Variants in CDH17 observed in about 807,000 individuals in gnomAD.
CDH17 encodes cadherin-17.
Under a neutral mutation model 86.3 loss-of-function variants are expected in CDH17, and 67 were observed. That is an observed-to-expected ratio of 0.78 (90% CI 0.64 to 0.95). The LOEUF (loss-of-function observed/expected upper bound fraction) is 0.95. Among genes scored for constraint, CDH17 ranks in the 40% least tolerant of loss-of-function variants. CDH17 has a pLI of 0.00. For synonymous variants in CDH17, 367 were observed against 366.4 expected, an observed-to-expected ratio of 1.00 and a Z score of -0.02; for missense variants, 993 against 1,017.6, an observed-to-expected ratio of 0.98 and a Z score of 0.33.
intron 3 of CDH17, among the ~76,000 whole-genome samples, chr8:94,186,721 T>G (rs1334199765): frequency 1.3e-5 from 2 of 152,230 alleles, no homozygotes; most frequent in African/African-American, 4.8e-5. Flanking sequence ...CTAAAATCCT[T>G]TTAACGTCTA....
At chr8:94,211,648 GA>G (rs1814123217), upstream of CDH17, among the ~76,000 whole-genome samples, 1 of 152,172 alleles carries the variant, frequency 6.6e-6, no homozygotes, top group Non-Finnish European at 1.5e-5. Context: ...TGAAATCTAT[GA>G]GTGGTAAATT....
chr8:94,180,524 A>G (rs1411441429), intron 3 of CDH17, among the ~76,000 whole-genome samples: 1 of 152,194 alleles, frequency 6.6e-6, no homozygotes, highest in Non-Finnish European at 1.5e-5. Flanking sequence ...GCATAGACTC[A>G]TCACATGTAA....
intron 1 of CDH17, among the ~76,000 whole-genome samples, chr8:94,213,758 G>A (rs763877012): frequency 1.3e-5 from 2 of 152,258 alleles, no homozygotes; most frequent in Non-Finnish European, 1.5e-5. Context: ...TCAGATGGAC[G>A]CTTTTCAGTC....
At chr8:94,157,356 A>T (rs1199528935) in intron 12 of CDH17, among the ~76,000 whole-genome samples, 2 of 152,218 alleles carry the variant, frequency 1.3e-5, no homozygotes, top group African/African-American at 4.8e-5. Context: ...TTCAATAACA[A>T]ATAGTATGGC....
chr8:94,204,725 T>G (rs1274562760), intron 1 of CDH17, among the ~76,000 whole-genome samples: 2 of 152,148 alleles, frequency 1.3e-5, no homozygotes, highest in Non-Finnish European at 2.9e-5. Flanking sequence ...CCAAGAAATA[T>G]TTGAGAGAGG....
In CDH17 at chr8:94,128,395, C is replaced by T. The variant is rs1472584514; in HGVS notation, c.2399-55G>A. Reference sequence around the variant, plus strand: ...TGGGACCTTTTAAAATGTACTGTCACATTCAGTTATAAAGTAGTATTGTGG... The same window carrying T: ...TGGGACCTTTTAAAATGTACTGTCATATTCAGTTATAAAGTAGTATTGTGG... On this transcript the variant is annotated intron_variant, in intron 17 of 17. Coordinates refer to ENST00000027335, the MANE Select transcript of CDH17 (RefSeq NM_004063.4). 4 of 1,081,356 alleles carry T rather than the reference C, an allele frequency of 3.7e-6. No homozygotes were observed. In the East Asian group the frequency reaches 9.5e-5, roughly 26 times the overall value. The allele number at this position is 1,081,356 out of a possible 1,614,324, so 67.0% of individuals were successfully genotyped here. A position where few individuals can be genotyped will look rare whatever the true frequency, so the allele number is the denominator to read the frequency against.
At chr8:94,199,901 G>A (rs7833170) in intron 1 of CDH17, among the ~76,000 whole-genome samples, 11,286 of 152,136 alleles carry the variant, frequency 0.074, 1,384 homozygotes, top group African/African-American at 0.25. Flanking sequence ...GAGATTCAGC[G>A]AGTTAATATT....
At chr8:94,199,083 A>ATATATT (rs1283889347) in intron 1 of CDH17, among the ~76,000 whole-genome samples, 10 of 23,208 alleles carry the variant, frequency 4.3e-4, no homozygotes, top group East Asian at 2.4e-3. Flanking sequence ...ATATATATAT[A>ATATATT]TTTTTTTTTT....
At chr8:94,179,495 A>G (rs184614584) in intron 3 of CDH17, among the ~76,000 whole-genome samples, 2 of 152,200 alleles carry the variant, frequency 1.3e-5, no homozygotes, top group Admixed American at 1.3e-4. Context: ...CTACAAGGCC[A>G]CTATCATGAG....
chr8:94,213,148 A>C (rs1053057783), upstream of CDH17, among the ~76,000 whole-genome samples: 3 of 152,114 alleles, frequency 2.0e-5, no homozygotes, highest in Admixed American at 1.3e-4. Context: ...GCTAATTTTA[A>C]AATTTTTTGT....
intron 1 of CDH17, among the ~76,000 whole-genome samples, chr8:94,199,362 G>A (rs1236310370): frequency 6.6e-6 from 1 of 151,698 alleles, no homozygotes; most frequent in Non-Finnish European, 1.5e-5. Context: ...CATTTTTATT[G>A]TTGATGAAAA....
chr8:94,180,595 A>G (rs1478928693), intron 3 of CDH17, among the ~76,000 whole-genome samples: 2 of 152,308 alleles, frequency 1.3e-5, no homozygotes, highest in South Asian at 2.1e-4. Flanking sequence ...GTGGAATGAC[A>G]CATTCAAAGT....
In CDH17 at chr8:94,214,748, G is replaced by A. The variant is rs528199510; in HGVS notation, c.-21+2450C>T. Among the ~76,000 whole-genome samples, 25 of 152,210 alleles carry A rather than the reference G, an allele frequency of 1.6e-4. 1 individual carries two copies. Among genetic ancestry groups the A allele is most frequent in the East Asian group, 1.5e-3 (8 of 5,190 alleles). The stretch of plus-strand genomic sequence containing the variant: ...GAAGGAAAGAAAATATTTGTAAGTC[G>A]CGTATCTGACAAATGAACTGTATCT... On this transcript the variant is annotated intron_variant, in intron 1 of 17. Transcript: ENST00000450165.
intron 1 of CDH17, chr8:94,202,913 A>G (rs1358753635): frequency 2.0e-5 from 6 of 294,428 alleles, no homozygotes; most frequent in South Asian, 1.0e-4. Flanking sequence ...AATTCCTCCA[A>G]TGAGGACAGG....
At chr8:94,207,088 C>A (rs972252101) in intron 1 of CDH17, among the ~76,000 whole-genome samples, 1 of 152,082 alleles carries the variant, frequency 6.6e-6, no homozygotes, top group Non-Finnish European at 1.5e-5. Context: ...TATATGGGAA[C>A]CATGAGAGGG....
Position 94,143,474 on chromosome 8 carries a change from C to T in CDH17, c.2167+2454G>A, listed in dbSNP as rs189951498. Among the ~76,000 whole-genome samples, 164 of 152,284 alleles carry T rather than the reference C, an allele frequency of 1.1e-3. 1 individual carries two copies. Among genetic ancestry groups the T allele is most frequent in the African/African-American group, 3.9e-3 (160 of 41,556 alleles). On this transcript the variant is annotated intron_variant, in intron 15 of 17. Coordinates refer to ENST00000027335, the MANE Select transcript of CDH17 (RefSeq NM_004063.4). ...TAGGGTTGGCTTTAACTTAAAGTCA[C>T]CAGCTGCATTAGCCCTAACAAGAGC...
chr8:94,170,348 A>C (rs1813242512), intron 9 of CDH17, 49 bp downstream of exon 9: 4 of 1,588,092 alleles, frequency 2.5e-6, no homozygotes, highest in African/African-American at 1.3e-5. Flanking sequence ...CCAGCAGAGG[A>C]GAGAAATGGA....
chr8:94,148,936 G>C (rs2130598479), intron 13 of CDH17, 62 bp from the exon 14 acceptor site: 1 of 1,466,628 alleles, frequency 6.8e-7, no homozygotes, highest in East Asian at 2.4e-5. Context: ...TGTGAAGCTA[G>C]TTTGTGCGTC....
intron 4 of CDH17, among the ~76,000 whole-genome samples, 156 bp downstream of exon 4, chr8:94,177,431 T>A (rs1480520856): frequency 6.6e-6 from 1 of 152,160 alleles, no homozygotes; most frequent in Non-Finnish European, 1.5e-5. Context: ...CTGTAGTTGG[T>A]AAGAAATGGA....
Sources: allele counts gnomAD v4.1 joint callset (sites outside exome capture counted in the v4.1 genomes callset), GRCh38; gene constraint gnomAD v4.1.1; transcripts MANE v1.5; gene names NCBI Gene and HGNC (gene_info 2026-07-23, HGNC 2026-07-21).